The following FER1L5 variants were observed in gnomAD, a reference collection of about 807,000 sequenced individuals.
FER1L5 encodes the protein fer-1 like family member 5, also known as fer-1-like protein 5.
FER1L5 carries 187 observed loss-of-function variants against 279.9 expected under a neutral mutation model. The ratio of observed to expected loss-of-function variants is 0.67; its 90% CI spans 0.59 to 0.75. FER1L5 has a LOEUF of 0.75. FER1L5 is among the 30% of genes least tolerant of loss of function. The pLI is 0.00. For synonymous variants in FER1L5, 921 were observed against 989.7 expected, an observed-to-expected ratio of 0.93 and a Z score of 1.30; for missense variants, 2,091 against 2,594.4, an observed-to-expected ratio of 0.81 and a Z score of 4.21.
chr2:96,674,758 C>T (rs916927097), intron 19 of FER1L5, among the ~76,000 whole-genome samples: 2 of 152,006 alleles, frequency 1.3e-5, no homozygotes, highest in African/African-American at 2.4e-5. Flanking sequence ...TTGCAGTGAG[C>T]CAAGATCGCA....
chr2:96,692,298 C>T, intron 31 of FER1L5, 117 bp downstream of exon 31: 1 of 1,084,338 alleles, frequency 9.2e-7, no homozygotes, highest in African/African-American at 1.6e-5. Context: ...GGGCCCCTGC[C>T]TGTCGGCCCC....
chr2:96,692,023 G>GA (rs896385097), intron 30 of FER1L5, 60 bp downstream of exon 30: 59 of 1,405,042 alleles, frequency 4.2e-5, no homozygotes, highest in East Asian at 2.7e-4. Flanking sequence ...CGAGGGCGGG[G>GA]GGGGGGGACA....
chr2:96,678,182 T>A (rs915422907), intron 19 of FER1L5, among the ~76,000 whole-genome samples: 2 of 151,978 alleles, frequency 1.3e-5, no homozygotes, highest in African/African-American at 4.8e-5. Context: ...TGGAGTGCAG[T>A]GGGGCAATCC....
At chr2:96,669,275 C>T in intron 17 of FER1L5, 138 bp downstream of exon 17, 1 of 780,142 alleles carries the variant, frequency 1.3e-6, no homozygotes, top group Non-Finnish European at 2.0e-6. Flanking sequence ...GAAGCCTGTC[C>T]ATGAGCAGCC....
At chr2:96,661,552 C>T in intron 11 of FER1L5, 112 bp downstream of exon 11, 1 of 1,508,032 alleles carries the variant, frequency 6.6e-7, no homozygotes, top group Non-Finnish European at 9.0e-7. Flanking sequence ...CGCTGCGTCA[C>T]TGCAGGGTTG....
rs544744585 is a variant in FER1L5, at chr2:96,688,640, A to C, written c.2362-573A>C. On this transcript the variant is annotated intron_variant, in intron 24 of 52. Coordinates refer to ENST00000624922, the MANE Select transcript of FER1L5 (RefSeq NM_001293083.2). ...CATACGTTTGCAGTGTCTAAGTTGCATGTGTAGATGGATACATCATAATAT... is the reference window on the plus strand; with the variant it reads ...CATACGTTTGCAGTGTCTAAGTTGCCTGTGTAGATGGATACATCATAATAT... 5.9e-5 allele frequency among the ~76,000 whole-genome samples: 9 copies of C among 152,270 alleles called. No homozygotes were observed. In the South Asian group the frequency reaches 1.9e-3, roughly 32 times the overall value.
In FER1L5 at chr2:96,653,410, C is replaced by T. The variant is rs1391095354; in HGVS notation, c.634-230C>T. ...TGAAAATCTGAAACCCAGAATGCTC[C>T]AGTGAGCATTTCCTTTGAGGGTCAT... On this transcript the variant is annotated intron_variant, in intron 7 of 52. Coordinates refer to ENST00000624922, the MANE Select transcript of FER1L5 (RefSeq NM_001293083.2). The T allele has an allele frequency of 5.6e-6, 3 of 537,044 alleles. No homozygotes were observed. In the Admixed American group the frequency reaches 1.1e-4, roughly 19 times the overall value. The allele number at this position is 537,044 out of a possible 1,614,324, so 33.3% of individuals were successfully genotyped here.
At chr2:96,664,926 A>G (rs2076076832) in intron 14 of FER1L5, among the ~76,000 whole-genome samples, 1 of 152,214 alleles carries the variant, frequency 6.6e-6, no homozygotes, top group Admixed American at 6.5e-5. Flanking sequence ...TTATGGGAAC[A>G]TAGTTATTAT....
At chr2:96,700,774 C>A (rs937200380) in intron 45 of FER1L5, among the ~76,000 whole-genome samples, 1 of 152,150 alleles carries the variant, frequency 6.6e-6, no homozygotes, top group Non-Finnish European at 1.5e-5. Context: ...TAAGTCTCTC[C>A]CGAGGGGTGG....
At chr2:96,687,236 C>T (rs756651124) in intron 23 of FER1L5, among the ~76,000 whole-genome samples, 17 of 152,226 alleles carry the variant, frequency 1.1e-4, no homozygotes, top group Non-Finnish European at 2.1e-4. Context: ...GGCCCATACT[C>T]TCAACAGTAA....
chr2:96,687,006 G>C (rs1388910513), intron 23 of FER1L5, among the ~76,000 whole-genome samples: 1 of 152,064 alleles, frequency 6.6e-6, no homozygotes, highest in East Asian at 1.9e-4. Flanking sequence ...TTTGGTACCA[G>C]CCCATCATAT....
chr2:96,672,932 G>A (rs2106586837), intron 18 of FER1L5, 145 bp from the exon 19 acceptor site: 2 of 992,044 alleles, frequency 2.0e-6, no homozygotes, highest in East Asian at 5.3e-5. Flanking sequence ...TCAGCAGGGT[G>A]CGAGGGAGCC....
rs774760943 is a variant in FER1L5, at chr2:96,702,753, G to C, written c.5397+12G>C. On this transcript the variant is annotated intron_variant, in intron 48 of 52. Coordinates refer to ENST00000624922, the MANE Select transcript of FER1L5 (RefSeq NM_001293083.2). This position sits in a 1 kb window ranked among gnomAD's most constrained non-coding sequence, Gnocchi z 4.0. ...TCCAGAGCCAGAAGGTAACAGGCCT[G>C]GGGCGTGAGGGGCAACAGGCCACAA... 1 of 1,611,674 alleles carries C rather than the reference G, an allele frequency of 6.2e-7. No homozygotes were observed. The highest frequency in any genetic ancestry group is 1.1e-5 in the South Asian group (1 of 90,648).
At position 96,698,782 on chromosome 2, in the gene FER1L5, G is replaced by A. The variant is rs2153305897; in HGVS notation, c.4468G>A (p.Val1490Met). 2.6e-6 allele frequency: 4 copies of A among 1,566,728 alleles called. No homozygotes were observed. In the South Asian group the frequency reaches 3.5e-5, roughly 14 times the overall value. Residue 1490 changes from valine to methionine, a missense_variant, in exon 41 of 53, where the codon GTG becomes ATG. Transcript: ENST00000624922. The surrounding 1 kb of genome is among the most constrained non-coding windows in gnomAD (Gnocchi z 5.5). Reference protein sequence around the residue: ...EDFPQPCLVRVYMVRAINLQP... With the variant: ...EDFPQPCLVRMYMVRAINLQP... ...CTTCCCCCAGCCGTGCTTGGTGCGGGTGTACATGGTACGAGCCATCAACCT... is the reference window on the plus strand; with the variant it reads ...CTTCCCCCAGCCGTGCTTGGTGCGGATGTACATGGTACGAGCCATCAACCT...
At chr2:96,671,128 A>AAAAAAAAAAAAAAAAG (rs59325881) in intron 18 of FER1L5, among the ~76,000 whole-genome samples, 29 of 149,678 alleles carry the variant, frequency 1.9e-4, no homozygotes, top group Non-Finnish European at 4.0e-4. Flanking sequence ...AAAAAAAAAA[A>AAAAAAAAAAAAAAAAG]GGAATCCCTG....
At chr2:96,680,597 A>T (rs7580337) in intron 19 of FER1L5, among the ~76,000 whole-genome samples, 47,320 of 151,204 alleles carry the variant, frequency 0.31, 7,674 homozygotes, top group East Asian at 0.51. Flanking sequence ...TTCCCCACTT[A>T]TCTCCTTAGC....
chr2:96,702,472 C>T lies in FER1L5; in HGVS notation c.5255+71C>T. 1 of 1,558,740 alleles carries T rather than the reference C, an allele frequency of 6.4e-7. No homozygotes were observed. The highest frequency in any genetic ancestry group is 8.7e-7 in the Non-Finnish European group (1 of 1,151,784). On this transcript the variant is annotated intron_variant, in intron 47 of 52. Transcript: ENST00000624922. The surrounding 1 kb of genome is among the most constrained non-coding windows in gnomAD (Gnocchi z 4.0). ...GTTCTGTCATCCTGCTGGCACGGCC[C>T]AGTCCTGAATGGGACACCTCTCCAT...
At chr2:96,654,052 G>C (rs1389248961) in intron 8 of FER1L5, 11 of 368,794 alleles carry the variant, frequency 3.0e-5, no homozygotes, top group Admixed American at 1.4e-4. Flanking sequence ...TGGTTATCAG[G>C]TGCCTACTAT....
At chr2:96,657,871 A>G (rs1436669368) in intron 9 of FER1L5, among the ~76,000 whole-genome samples, 2 of 152,142 alleles carry the variant, frequency 1.3e-5, no homozygotes, top group East Asian at 3.8e-4. Flanking sequence ...GGACATTTAG[A>G]TTGCTTCCAG....
Sources: gnomAD v4.1 joint callset for allele counts (sites outside exome capture counted in the v4.1 genomes callset) on GRCh38, gnomAD v4.1.1 for gene constraint, Gnocchi (gnomAD v3.1) non-coding constraint, MANE v1.5 for transcripts, NCBI Gene and HGNC (gene_info 2026-07-23, HGNC 2026-07-21) for gene names.